The following CFAP47 variants were observed in gnomAD, a reference collection of about 807,000 sequenced individuals.
CFAP47 encodes cilia- and flagella-associated protein 47.
In CFAP47, 29 loss-of-function variants were observed where a neutral mutation model predicts 148.1. The observed-to-expected ratio is 0.20, with a 90% CI of 0.15 to 0.27. The LOEUF (loss-of-function observed/expected upper bound fraction) is 0.27, where lower values mean the gene tolerates loss of function less well. CFAP47 is among the 10% of genes least tolerant of loss of function. The pLI is 1.00. For synonymous variants in CFAP47, 664 were observed against 577.3 expected, an observed-to-expected ratio of 1.15 and a Z score of -2.15; for missense variants, 1,872 against 1,697.5, an observed-to-expected ratio of 1.10 and a Z score of -1.81.
chrX:36,046,009 TG>T lies in CFAP47; in HGVS notation c.4008-843del, dbSNP rs755893635. Among the ~76,000 whole-genome samples the T allele has an allele frequency of 9.7e-3, 1,082 of 111,739 alleles. 6 individuals carry two copies. The highest frequency in any genetic ancestry group is 0.014 in the Non-Finnish European group (739 of 53,039). On this transcript the variant is annotated intron_variant, in intron 25 of 63. Coordinates refer to ENST00000378653, the MANE Select transcript of CFAP47 (RefSeq NM_001304548.2). Reference sequence around the variant, plus strand: ...AGTAATAACTGAATTATTTTCAAACTGGATTTATAAATTACTTTCCATGTTT... The same window carrying T: ...AGTAATAACTGAATTATTTTCAAACTGATTTATAAATTACTTTCCATGTTT...
intron 46 of CFAP47, among the ~76,000 whole-genome samples, chrX:36,234,998 G>A (rs1395726827): frequency 9.0e-6 from 1 of 110,942 alleles, no homozygotes; most frequent in Non-Finnish European, 1.9e-5. Flanking sequence ...AGGAGTACCC[G>A]GCCGTGTGAG....
chrX:36,139,631 T>G (rs1401278246), intron 35 of CFAP47, among the ~76,000 whole-genome samples: 1 of 111,253 alleles, frequency 9.0e-6, no homozygotes, highest in Non-Finnish European at 1.9e-5. Context: ...TTAAACATAA[T>G]AAGCTGATGT....
At chrX:36,256,551 G>C (rs1940754784) in intron 49 of CFAP47, among the ~76,000 whole-genome samples, 1 of 111,481 alleles carries the variant, frequency 9.0e-6, no homozygotes. Flanking sequence ...TGACTTTTCT[G>C]AGCTCTGTAT....
Position 36,039,115 on chromosome X carries a change from A to G in CFAP47, c.3943A>G (p.Thr1315Ala), listed in dbSNP as rs781334801. 9.0e-7 allele frequency: 1 copy of G among 1,106,876 alleles called. No individual in the cohort carries two copies. The highest frequency in any genetic ancestry group is 2.0e-5 in the South Asian group (1 of 50,146). The allele number at this position is 1,106,876 out of a possible 1,213,427, so 91.2% of individuals were successfully genotyped here. ...LLFDPPFIFFTPVPLDITTVM... is the reference protein window; with the variant it reads ...LLFDPPFIFFAPVPLDITTVM... ...GTTTGACCCTCCATTTATATTTTTC[A>G]CTCCTGTTCCTTTGGATATAACAAC... Residue 1315 changes from threonine to alanine, a missense_variant, in exon 25 of 64, where the codon ACT (threonine) becomes GCT (alanine). By Grantham distance (58) the Thr-to-Ala change is moderately conservative. Transcript: ENST00000378653.
intron 51 of CFAP47, among the ~76,000 whole-genome samples, chrX:36,294,534 C>T (rs1006449074): frequency 8.2e-5 from 9 of 109,990 alleles, no homozygotes; most frequent in Non-Finnish European, 1.7e-4. Context: ...CACGGTGAAA[C>T]CCCGTCTCTA....
chrX:35,999,263 C>G (rs1453601035), intron 19 of CFAP47, among the ~76,000 whole-genome samples: 1 of 112,280 alleles, frequency 8.9e-6, no homozygotes, highest in Non-Finnish European at 1.9e-5. Context: ...AGCCAGTCTA[C>G]TTTCATACGG....
intron 37 of CFAP47, among the ~76,000 whole-genome samples, chrX:36,150,942 T>C (rs1003748843): frequency 8.9e-6 from 1 of 112,159 alleles, no homozygotes; most frequent in African/African-American, 3.2e-5. Flanking sequence ...ACAAGTTCAT[T>C]TGGACATTGT....
At chrX:36,231,014 C>G (rs1353545333) in intron 46 of CFAP47, among the ~76,000 whole-genome samples, 2 of 104,683 alleles carry the variant, frequency 1.9e-5, no homozygotes, top group Non-Finnish European at 3.8e-5. Context: ...GTTACTGTAG[C>G]CTTGTAATAT....
chrX:35,942,528 A>G (rs189705628), intron 3 of CFAP47, among the ~76,000 whole-genome samples: 1 of 111,552 alleles, frequency 9.0e-6, no homozygotes. Flanking sequence ...AGCAAGTGAT[A>G]TGGGCAATAT....
intron 6 of CFAP47, among the ~76,000 whole-genome samples, chrX:35,952,191 T>C (rs936344119): frequency 1.8e-5 from 2 of 111,672 alleles, no homozygotes; most frequent in African/African-American, 6.5e-5. Flanking sequence ...CCCTAGACCT[T>C]GTGGAAATGG....
At chrX:36,030,473 C>T (rs1456099519) in intron 22 of CFAP47, among the ~76,000 whole-genome samples, 1 of 110,765 alleles carries the variant, frequency 9.0e-6, no homozygotes, top group Non-Finnish European at 1.9e-5. Flanking sequence ...TAGGATTTCA[C>T]ATGACAGGTT....
chrX:35,990,682 G>C (rs887722575), intron 16 of CFAP47, among the ~76,000 whole-genome samples: 1 of 110,930 alleles, frequency 9.0e-6, no homozygotes, highest in African/African-American at 3.3e-5. Context: ...TAGTTGTTTA[G>C]ATACTGTCTA....
intron 15 of CFAP47, among the ~76,000 whole-genome samples, chrX:35,976,619 A>G (rs1026730377): frequency 1.8e-5 from 2 of 111,453 alleles, no homozygotes; most frequent in Non-Finnish European, 3.8e-5. Context: ...TGACAGATAA[A>G]ATTGATCATC....
chrX:36,019,384 T>TCCC (rs980165714), intron 22 of CFAP47, among the ~76,000 whole-genome samples: 2 of 111,571 alleles, frequency 1.8e-5, no homozygotes, highest in Non-Finnish European at 3.8e-5. Flanking sequence ...GCCGACCTCC[T>TCCC]CCCCCGAGTA....
At chrX:36,061,049 C>A (rs1020057918) in intron 26 of CFAP47, among the ~76,000 whole-genome samples, 2 of 111,350 alleles carry the variant, frequency 1.8e-5, no homozygotes, top group African/African-American at 6.5e-5. Context: ...AGGAGGGGCC[C>A]TGTGGGAGGT....
intron 49 of CFAP47, among the ~76,000 whole-genome samples, chrX:36,253,046 T>C (rs1260689899): frequency 8.9e-6 from 1 of 112,365 alleles, no homozygotes; most frequent in Non-Finnish European, 1.9e-5. Flanking sequence ...TGTGTAATCT[T>C]TTTTGTTGTT....
In CFAP47 at chrX:36,148,272, G is replaced by T. The variant is rs750890898; in HGVS notation, c.5671-836G>T. Among the ~76,000 whole-genome samples the T allele has an allele frequency of 2.7e-5, 3 of 111,589 alleles. No homozygotes were observed. In the East Asian group the frequency reaches 8.5e-4, roughly 32 times the overall value. ...ATACATTACCTGAGCAATGGCAGGA[G>T]ATGAGGAATTTGGTTAGATATCAAG... On this transcript the variant is annotated intron_variant, in intron 36 of 63. Coordinates refer to ENST00000378653, the MANE Select transcript of CFAP47 (RefSeq NM_001304548.2).
chrX:36,236,814 G>A lies in CFAP47; in HGVS notation c.7287G>A (p.Lys2429=). The change falls in exon 48 of 64, where the codon AAG becomes AAA. Residue 2429 remains lysine (K), a synonymous_variant. Coordinates refer to ENST00000378653, the MANE Select transcript of CFAP47 (RefSeq NM_001304548.2). ...GTCAAGTGGGGAATGTGACACAAAA[G>A]CATATAACATTGCCTCATTTCACAA... ...VECQVGNVTQ[K]HITLPHFTNT... 1 of 503,592 alleles carries A rather than the reference G, an allele frequency of 2.0e-6. No individual in the cohort carries two copies. Among genetic ancestry groups the A allele is most frequent in the South Asian group, 2.8e-5 (1 of 36,276 alleles). 41.5% of individuals were successfully genotyped at this position (503,592 alleles called of 1,213,427 possible).
Position 35,951,143 on chromosome X carries a change from A to C in CFAP47, c.669A>C (p.Gln223His). 1 of 1,207,345 alleles carries C rather than the reference A, an allele frequency of 8.3e-7. No individual in the cohort carries two copies. The highest frequency in any genetic ancestry group is 1.1e-6 in the Non-Finnish European group (1 of 891,471). The change falls in exon 5 of 64, where the codon CAA becomes CAC. Residue 223 changes from glutamine (Q) to histidine (H), a missense_variant. By Grantham distance (24) the Gln-to-His change is conservative. Transcript: ENST00000378653. Reference sequence around the variant, plus strand: ...TATTATCCTGTAGAGTGATTTTGCAAGGTCAACCTGAGATGCTCTTGAGTA... The same window carrying C: ...TATTATCCTGTAGAGTGATTTTGCACGGTCAACCTGAGATGCTCTTGAGTA... ...IVDEEAIVIL[Q>H]GQPEMLLSIK... is the part of the protein sequence containing the mutation.
Sources: gnomAD v4.1 joint callset for allele counts (sites outside exome capture counted in the v4.1 genomes callset) on GRCh38, gnomAD v4.1.1 for gene constraint, MANE v1.5 for transcripts, NCBI Gene and HGNC (gene_info 2026-07-23, HGNC 2026-07-21) for gene names.